Variants in TSPAN9 observed in about 807,000 individuals in gnomAD.
TSPAN9 encodes tetraspanin-9.
TSPAN9 carries 16 observed loss-of-function variants against 31.0 expected under a neutral mutation model. That is an observed-to-expected ratio of 0.52 (90% CI 0.35 to 0.78). TSPAN9 has a LOEUF of 0.78. Ranked by LOEUF, TSPAN9 falls within the 30% of genes least tolerant of loss-of-function variation. The pLI is 0.01. For missense variants in TSPAN9, 272 were observed against 312.5 expected (o/e 0.87, Z 0.98); for synonymous variants, 145 against 121.6 (o/e 1.19, Z -1.27).
At chr12:3,096,044 G>T (rs999806990) in intron 2 of TSPAN9, among the ~76,000 whole-genome samples, 4 of 130,854 alleles carry the variant, frequency 3.1e-5, no homozygotes, top group Admixed American at 1.4e-4. Flanking sequence ...GCTGCCTCCC[G>T]GGCGGCGCTC....
intron 2 of TSPAN9, among the ~76,000 whole-genome samples, chr12:3,153,142 T>A (rs936951628): frequency 6.6e-6 from 1 of 152,206 alleles, no homozygotes; most frequent in African/African-American, 2.4e-5. Flanking sequence ...CACCTTTTCC[T>A]TGTGCCTTAC....
intron 2 of TSPAN9, among the ~76,000 whole-genome samples, chr12:3,105,981 C>T (rs955109622): frequency 3.9e-5 from 6 of 152,076 alleles, no homozygotes; most frequent in East Asian, 1.9e-4. Context: ...GTATGTGCAG[C>T]GCACACTCAG....
intron 2 of TSPAN9, among the ~76,000 whole-genome samples, chr12:3,099,552 T>C (rs1183713662): frequency 6.6e-6 from 1 of 152,244 alleles, no homozygotes; most frequent in African/African-American, 2.4e-5. Flanking sequence ...CCTCCATATT[T>C]TTCTGCTTCT....
intron 3 of TSPAN9, among the ~76,000 whole-genome samples, chr12:3,230,066 C>T (rs2098389860): frequency 6.6e-6 from 1 of 152,158 alleles, no homozygotes; most frequent in Admixed American, 6.5e-5. Flanking sequence ...CTTTCTTCTC[C>T]TCCCATCATC....
intron 3 of TSPAN9, among the ~76,000 whole-genome samples, chr12:3,230,036 T>C (rs573445237): frequency 2.6e-5 from 4 of 152,064 alleles, no homozygotes; most frequent in African/African-American, 7.2e-5. Context: ...CTTTTCTTTT[T>C]CTTTGTTTAT....
rs76837084 is a variant in TSPAN9 at position 3,083,080 on chromosome 12, C to T, written c.-84-573C>T. Among the ~76,000 whole-genome samples the T allele has an allele frequency of 4.3e-3, 661 of 152,344 alleles. 8 individuals are homozygous for T. Among genetic ancestry groups the T allele is most frequent in the African/African-American group, 0.015 (623 of 41,570 alleles). The stretch of plus-strand genomic sequence containing the variant: ...ATATCCTCACACCCCAAGTTAACTG[C>T]CCTTTCAGTTTCTGCTGCAGTTTTA... On this transcript the variant is annotated intron_variant, in intron 1 of 8. Coordinates refer to ENST00000011898, the MANE Select transcript of TSPAN9 (RefSeq NM_006675.5).
At chr12:3,131,932 C>A (rs1355886785) in intron 2 of TSPAN9, among the ~76,000 whole-genome samples, 3 of 152,192 alleles carry the variant, frequency 2.0e-5, no homozygotes, top group African/African-American at 7.2e-5. Flanking sequence ...CCTGTGACCC[C>A]CCAGGCCTCT....
At chr12:3,159,116 C>T (rs185786176) in intron 2 of TSPAN9, among the ~76,000 whole-genome samples, 5 of 151,914 alleles carry the variant, frequency 3.3e-5, no homozygotes, top group Non-Finnish European at 7.4e-5. Context: ...AGGCATTTTT[C>T]TTTCTAAGTT....
At chr12:3,085,702 A>C (rs1463782319) in intron 2 of TSPAN9, among the ~76,000 whole-genome samples, 1 of 152,050 alleles carries the variant, frequency 6.6e-6, no homozygotes, top group Non-Finnish European at 1.5e-5. Context: ...TGGGTGACCC[A>C]CTGCCAAGGT....
chr12:3,097,980 G>T (rs1341629343), intron 2 of TSPAN9, among the ~76,000 whole-genome samples: 1 of 152,240 alleles, frequency 6.6e-6, no homozygotes, highest in Non-Finnish European at 1.5e-5. Context: ...GTCTGTCTTT[G>T]CCCCTGAGGA....
At chr12:3,179,464 T>C (rs55822168) in intron 2 of TSPAN9, among the ~76,000 whole-genome samples, 11,498 of 152,176 alleles carry the variant, frequency 0.076, 593 homozygotes, top group African/African-American at 0.15. Flanking sequence ...TCCCCCTGCT[T>C]GGAGCCTTCA....
At chr12:3,096,511 G>C (rs770170529) in intron 2 of TSPAN9, among the ~76,000 whole-genome samples, 2 of 151,498 alleles carry the variant, frequency 1.3e-5, no homozygotes, top group African/African-American at 2.4e-5. Context: ...CCTGGCACCT[G>C]GTGGACACAG....
At chr12:3,094,106 T>C (rs886319265) in intron 2 of TSPAN9, among the ~76,000 whole-genome samples, 1 of 152,024 alleles carries the variant, frequency 6.6e-6, no homozygotes, top group Non-Finnish European at 1.5e-5. Context: ...AAGGGGTTCT[T>C]TTGCTTCTGC....
At chr12:3,258,761 C>T (rs1444173756) in intron 3 of TSPAN9, among the ~76,000 whole-genome samples, 4 of 152,166 alleles carry the variant, frequency 2.6e-5, no homozygotes, top group African/African-American at 9.7e-5. Flanking sequence ...GTGGGTTGAC[C>T]TGGGGCCAGA....
At chr12:3,136,223 G>T (rs1401648229) in intron 2 of TSPAN9, among the ~76,000 whole-genome samples, 1 of 152,170 alleles carries the variant, frequency 6.6e-6, no homozygotes, top group Non-Finnish European at 1.5e-5. Flanking sequence ...ACATTTATTG[G>T]TTTCCTCCTC....
intron 2 of TSPAN9, among the ~76,000 whole-genome samples, chr12:3,181,256 G>A (rs540458255): frequency 2.0e-5 from 3 of 151,872 alleles, no homozygotes; most frequent in African/African-American, 7.2e-5. Context: ...TGTATGAAGT[G>A]TGGTGTGTGC....
chr12:3,077,684 C>T (rs1223683141), intron 1 of TSPAN9, among the ~76,000 whole-genome samples: 3 of 136,904 alleles, frequency 2.2e-5, no homozygotes, highest in African/African-American at 8.0e-5. Context: ...AGGGTGGGTG[C>T]GGGGCCCGGG....
rs543465079 is a variant in TSPAN9 at position 3,235,851 on chromosome 12, C to T, written c.63+34595C>T. 3.9e-5 allele frequency among the ~76,000 whole-genome samples: 6 copies of T among 152,330 alleles called. No homozygotes were observed. In the South Asian group the frequency reaches 1.2e-3, roughly 32 times the overall value. On this transcript the variant is annotated intron_variant, in intron 3 of 8. Transcript: ENST00000011898. ...GGACAGCAGGTGCCAATATGATTAG[C>T]TCTGGGGGCTTTGGCCTAGCTTGCC...
intron 2 of TSPAN9, chr12:3,084,086 C>G (rs1433087168): frequency 6.6e-6 from 1 of 152,254 alleles, no homozygotes. Flanking sequence ...GGGCCTCCCA[C>G]AACAGGCCAG....
Sources: gnomAD v4.1 joint callset for allele counts (sites outside exome capture counted in the v4.1 genomes callset) on GRCh38, gnomAD v4.1.1 for gene constraint, MANE v1.5 for transcripts, NCBI Gene and HGNC (gene_info 2026-07-23, HGNC 2026-07-21) for gene names.